Variants in ARFIP1 observed in about 807,000 individuals in gnomAD.
ARFIP1 encodes ARF interacting protein 1.
In ARFIP1, 24 loss-of-function variants were observed where a neutral mutation model predicts 42.5. That is an observed-to-expected ratio of 0.57 (90% CI 0.41 to 0.80). The LOEUF (loss-of-function observed/expected upper bound fraction) is 0.80. ARFIP1 is among the 30% of genes least tolerant of loss of function. The probability of loss-of-function intolerance (pLI) is 0.00; values close to 1 mark genes in which losing one functional copy is unlikely to be tolerated. For synonymous variants in ARFIP1, 141 were observed against 153.7 expected (o/e 0.92, Z 0.61); for missense variants, 354 against 434.0 (o/e 0.82, Z 1.64).
chr4:152,790,109 C>A (rs1001988225), intron 1 of ARFIP1, among the ~76,000 whole-genome samples: 15 of 152,136 alleles, frequency 9.9e-5, no homozygotes, highest in African/African-American at 2.9e-4. Flanking sequence ...ATAAATATTT[C>A]TATATGTAAC....
intron 1 of ARFIP1, among the ~76,000 whole-genome samples, chr4:152,780,951 A>G (rs1166475824): frequency 6.6e-6 from 1 of 152,184 alleles, no homozygotes; most frequent in Non-Finnish European, 1.5e-5. Context: ...TTTACACTTT[A>G]TACTTCCTGC....
intron 1 of ARFIP1, among the ~76,000 whole-genome samples, chr4:152,826,710 A>T (rs542500056): frequency 5.3e-5 from 8 of 152,292 alleles, no homozygotes; most frequent in Non-Finnish European, 1.2e-4. Flanking sequence ...TGAAAGCAGG[A>T]TCTTGCAGGA....
intron 8 of ARFIP1, among the ~76,000 whole-genome samples, chr4:152,902,246 A>C (rs998235770): frequency 2.0e-5 from 3 of 152,232 alleles, no homozygotes; most frequent in Non-Finnish European, 4.4e-5. Flanking sequence ...TCACACCTGT[A>C]ATCCTAGTGC....
intron 3 of ARFIP1, among the ~76,000 whole-genome samples, chr4:152,866,809 C>A (rs1168804514): frequency 2.0e-5 from 3 of 150,854 alleles, no homozygotes; most frequent in East Asian, 2.0e-4. Context: ...CGCTCCTCAC[C>A]TCCCAGATGG....
chr4:152,830,830 T>C (rs1490466434), intron 2 of ARFIP1, among the ~76,000 whole-genome samples: 1 of 152,214 alleles, frequency 6.6e-6, no homozygotes. Context: ...GACAAATTCC[T>C]CCTTGGTTGA....
At chr4:152,782,794 T>G (rs1412814429) in intron 1 of ARFIP1, among the ~76,000 whole-genome samples, 2 of 152,212 alleles carry the variant, frequency 1.3e-5, no homozygotes, top group Non-Finnish European at 2.9e-5. Context: ...AATGTAAGTT[T>G]TAGAGTACAT....
intron 1 of ARFIP1, among the ~76,000 whole-genome samples, chr4:152,824,248 G>C (rs1449302462): frequency 1.3e-5 from 2 of 151,920 alleles, no homozygotes; most frequent in African/African-American, 4.8e-5. Flanking sequence ...AGGAGGCAGA[G>C]GTTGCAGGGA....
chr4:152,834,491 T>C (rs1731492899), intron 2 of ARFIP1, among the ~76,000 whole-genome samples: 1 of 152,200 alleles, frequency 6.6e-6, no homozygotes. Flanking sequence ...TACATTCCCA[T>C]TCCAAAAGGG....
chr4:152,817,641 G>A (rs11737278), intron 1 of ARFIP1, among the ~76,000 whole-genome samples: 40,882 of 152,106 alleles, frequency 0.27, 6,940 homozygotes, highest in Non-Finnish European at 0.37. Context: ...TGCATCAAAG[G>A]ACACAACAGA....
chr4:152,836,283 C>A (rs1731642527), intron 2 of ARFIP1, among the ~76,000 whole-genome samples: 1 of 152,016 alleles, frequency 6.6e-6, no homozygotes, highest in African/African-American at 2.4e-5. Context: ...AGTATTCTCA[C>A]CCACACATAC....
intron 1 of ARFIP1, among the ~76,000 whole-genome samples, chr4:152,826,814 T>C (rs1471876078): frequency 6.6e-6 from 1 of 152,160 alleles, no homozygotes; most frequent in Non-Finnish European, 1.5e-5. Flanking sequence ...GATACATATA[T>C]GTGGTATATA....
intron 2 of ARFIP1, among the ~76,000 whole-genome samples, chr4:152,835,945 T>C (rs1731612209): frequency 6.6e-6 from 1 of 152,010 alleles, no homozygotes; most frequent in Admixed American, 6.6e-5. Flanking sequence ...CCAGAGTCTT[T>C]TAAACAACCA....
intron 8 of ARFIP1, among the ~76,000 whole-genome samples, chr4:152,898,215 C>G (rs1165419406): frequency 1.3e-5 from 2 of 152,012 alleles, no homozygotes; most frequent in African/African-American, 4.8e-5. Flanking sequence ...AACTCCTGAC[C>G]TTGTGATCCA....
At chr4:152,792,567 A>G (rs1221337581) in intron 1 of ARFIP1, among the ~76,000 whole-genome samples, 1 of 152,036 alleles carries the variant, frequency 6.6e-6, no homozygotes, top group Non-Finnish European at 1.5e-5. Context: ...GTTCAACAAC[A>G]CTCCTGCCAC....
At chr4:152,877,072 TCAGAGCCCCCCACA>T (rs1398346430) in intron 5 of ARFIP1, among the ~76,000 whole-genome samples, 9 of 152,110 alleles carry the variant, frequency 5.9e-5, no homozygotes, top group Admixed American at 2.0e-4. Flanking sequence ...AATCGTGCGA[TCAGAGCCCCCCACA>T]CAGAGTCCCT....
At chr4:152,863,466 G>A (rs1186052366) in intron 2 of ARFIP1, 140 bp from the exon 3 acceptor site, 1 of 522,398 alleles carries the variant, frequency 1.9e-6, no homozygotes, top group African/African-American at 1.9e-5. Context: ...ATTATAGAAT[G>A]CCATGATAGC....
chr4:152,846,951 C>T (rs1732581356), intron 2 of ARFIP1, among the ~76,000 whole-genome samples: 1 of 150,908 alleles, frequency 6.6e-6, no homozygotes, highest in Non-Finnish European at 1.5e-5. Flanking sequence ...GTTTGTGTTT[C>T]TCATTGCAGA....
At chr4:152,816,300 A>G (rs1729882329) in intron 1 of ARFIP1, among the ~76,000 whole-genome samples, 1 of 152,220 alleles carries the variant, frequency 6.6e-6, no homozygotes, top group Non-Finnish European at 1.5e-5. Context: ...TAATTTTTGA[A>G]GTCACACACG....
chr4:152,892,317 T>C (rs186372428), intron 8 of ARFIP1, among the ~76,000 whole-genome samples: 11 of 152,324 alleles, frequency 7.2e-5, no homozygotes, highest in Admixed American at 6.5e-5. Context: ...TTTGCAGCTT[T>C]TCTCTCTCTC....
Sources: gnomAD v4.1 joint callset for allele counts (sites outside exome capture counted in the v4.1 genomes callset) on GRCh38, gnomAD v4.1.1 for gene constraint, MANE v1.5 for transcripts, NCBI Gene and HGNC (gene_info 2026-07-23, HGNC 2026-07-21) for gene names.